RCOR3: variants seen among roughly 807,000 people sequenced by gnomAD.
The protein encoded by RCOR3 is REST corepressor 3.
RCOR3 carries 13 observed loss-of-function variants against 64.1 expected under a neutral mutation model. The observed-to-expected ratio is 0.20, with a 90% confidence interval of 0.13 to 0.32. RCOR3 has a LOEUF of 0.32. RCOR3 is among the 10% of genes least tolerant of loss of function. RCOR3 has a pLI of 1.00. For missense variants in RCOR3, 489 were observed against 701.2 expected (o/e 0.70, Z 3.42); for synonymous variants, 215 against 239.0 (o/e 0.90, Z 0.93).
chr1:211,316,193 A>G lies in RCOR3; in HGVS notation c.*2425A>G, dbSNP rs1701855043. ...AATCTACACCAAAGTGGTTTTTTAAAATTACATAACTAAAAATAAACCACA... is the reference window on the plus strand; with the variant it reads ...AATCTACACCAAAGTGGTTTTTTAAGATTACATAACTAAAAATAAACCACA... On this transcript the variant is annotated 3_prime_UTR_variant, in exon 12 of 12. Transcript: ENST00000419091. The G allele has an allele frequency of 6.6e-6, 1 of 152,194 alleles. No homozygotes were observed. The highest frequency in any genetic ancestry group is 1.5e-5 in the Non-Finnish European group (1 of 68,038). The allele number at this position is 152,194 out of a possible 1,614,324, so 9.4% of individuals were successfully genotyped here.
Position 211,312,880 on chromosome 1 carries a change from T to C in RCOR3, c.1236T>C (p.Asn412=). ...WEAEQGTQAS[N]GDASTLGEET... is the part of the protein sequence containing the mutation. Reference sequence around the variant, plus strand: ...CAGAACAAGGAACCCAGGCTTCTAATGGTGATGCTTCTACTTTAGGGGAGG... The same window carrying C: ...CAGAACAAGGAACCCAGGCTTCTAACGGTGATGCTTCTACTTTAGGGGAGG... The change falls in exon 11 of 12, where the codon AAT becomes AAC. Residue 412 remains asparagine (N), a synonymous_variant. Transcript: ENST00000419091. The surrounding 1 kb of genome is among the most constrained non-coding windows in gnomAD (Gnocchi z 5.0). 6.2e-7 allele frequency: 1 copy of C among 1,614,210 alleles called. No individual in the cohort carries two copies. Among genetic ancestry groups the C allele is most frequent in the Non-Finnish European group, 8.5e-7 (1 of 1,180,030 alleles).
chr1:211,278,325 C>T, intron 6 of RCOR3, 84 bp downstream of exon 6: 3 of 1,389,586 alleles, frequency 2.2e-6, no homozygotes, highest in Non-Finnish European at 3.0e-6. Context: ...AAAGTTATCA[C>T]AACACATTGT....
intron 6 of RCOR3, among the ~76,000 whole-genome samples, chr1:211,279,006 G>A (rs1275209063): frequency 6.6e-6 from 1 of 152,090 alleles, no homozygotes; most frequent in Non-Finnish European, 1.5e-5. Flanking sequence ...GGCCAACATG[G>A]TGAAACCCCG....
In RCOR3 at chr1:211,312,592, T is replaced by C. The variant is rs1191893357; in HGVS notation, c.1076-128T>C. The C allele has an allele frequency of 4.1e-6, 3 of 737,652 alleles. No homozygotes were observed. Among genetic ancestry groups the C allele is most frequent in the Non-Finnish European group, 7.1e-6 (3 of 423,546 alleles). 45.7% of individuals were successfully genotyped at this position (737,652 alleles called of 1,614,324 possible). A position where few individuals can be genotyped will look rare whatever the true frequency, so the allele number is the denominator to read the frequency against. ...TGATATCTTAGCCTCTATCTCAGAA[T>C]TGAGAAATGAGCAGAGTTTATCAGA... On this transcript the variant is annotated intron_variant, in intron 10 of 11. Coordinates refer to ENST00000419091, the MANE Select transcript of RCOR3 (RefSeq NM_001136223.3). The surrounding 1 kb of genome is among the most constrained non-coding windows in gnomAD (Gnocchi z 5.0).
At chr1:211,276,813 C>T (rs759971911) in intron 5 of RCOR3, among the ~76,000 whole-genome samples, 6 of 151,918 alleles carry the variant, frequency 3.9e-5, no homozygotes, top group South Asian at 4.2e-4. Flanking sequence ...TTAGGCCGGG[C>T]GCGGTGGCTC....
rs1339696761 is a variant in RCOR3 at position 211,314,858 on chromosome 1, A to G, written c.*1090A>G. 2 of 152,196 alleles carry G rather than the reference A, an allele frequency of 1.3e-5. No individual in the cohort carries two copies. The highest frequency in any genetic ancestry group is 4.8e-5 in the African/African-American group (2 of 41,464). 9.4% of individuals were successfully genotyped at this position (152,196 alleles called of 1,614,324 possible). A position where few individuals can be genotyped will look rare whatever the true frequency, so the allele number is the denominator to read the frequency against. On this transcript the variant is annotated 3_prime_UTR_variant, in exon 12 of 12. Transcript: ENST00000419091. ...ATACATTTGTGTATTCCTTGCAGCC[A>G]ACCTGTATTCGTGGGATTGGTGTAG...
intron 7 of RCOR3, 89 bp from the exon 8 acceptor site, chr1:211,289,089 C>G: frequency 1.0e-6 from 1 of 957,118 alleles, no homozygotes; most frequent in Non-Finnish European, 1.7e-6. Flanking sequence ...GTACTTATTG[C>G]AGCAGATACT....
rs10708960 is a variant in RCOR3, at chr1:211,279,187, TAAAAAAAA to T, written c.642-43_642-36del. On this transcript the variant is annotated intron_variant, in intron 6 of 11. Transcript: ENST00000419091. ...GGGCAATAAGAGTGAAACGCTGTCT[TAAAAAAAA>T]AAAAAAAGGGAATTAAGTGTACTAA... 3.1e-5 allele frequency: 29 copies of T among 943,768 alleles called. 1 individual carries two copies. The East Asian group carries it at 4.7e-4, about 15-fold the overall frequency. 58.5% of individuals were successfully genotyped at this position (943,768 alleles called of 1,614,324 possible).
intron 10 of RCOR3, among the ~76,000 whole-genome samples, chr1:211,309,067 T>C (rs988027977): frequency 1.5e-5 from 2 of 131,448 alleles, no homozygotes; most frequent in Non-Finnish European, 3.1e-5. Flanking sequence ...CTATCCATGC[T>C]ATCCTTTCTA....
chr1:211,260,242 G>T (rs1411712136), intron 2 of RCOR3, 78 bp downstream of exon 2: 15 of 1,360,910 alleles, frequency 1.1e-5, no homozygotes, highest in African/African-American at 1.4e-5. Flanking sequence ...AGGAGTCCGG[G>T]CATGGGGCCG....
At chr1:211,259,894 C>T (rs1039704662) in intron 1 of RCOR3, 168 bp downstream of exon 1, 92 of 791,092 alleles carry the variant, frequency 1.2e-4, no homozygotes, top group Non-Finnish European at 1.7e-4. Context: ...GACCCCCCGT[C>T]CCTCCGCCCT....
intron 3 of RCOR3, among the ~76,000 whole-genome samples, chr1:211,272,504 G>T (rs1180072074): frequency 6.6e-6 from 1 of 151,570 alleles, no homozygotes; most frequent in Non-Finnish European, 1.5e-5. Flanking sequence ...TCAACCCTGG[G>T]TGTGCATTGG....
intron 3 of RCOR3, among the ~76,000 whole-genome samples, chr1:211,272,831 C>G (rs371173476): frequency 5.6e-4 from 84 of 151,294 alleles, no homozygotes; most frequent in African/African-American, 2.0e-3. Context: ...CCGTTTTAGC[C>G]AGGATGGTCT....
At chr1:211,285,229 T>C (rs1698365912) in intron 7 of RCOR3, among the ~76,000 whole-genome samples, 1 of 152,246 alleles carries the variant, frequency 6.6e-6, no homozygotes, top group Non-Finnish European at 1.5e-5. Flanking sequence ...ATAGAAGATA[T>C]GATAGGGAAC....
intron 8 of RCOR3, among the ~76,000 whole-genome samples, chr1:211,294,570 TTTTC>T (rs1558091429): frequency 6.8e-5 from 10 of 147,150 alleles, no homozygotes; most frequent in South Asian, 2.1e-4. Flanking sequence ...ACACACTGAC[TTTTC>T]TTTCTTTCTT....
chr1:211,306,121 G>C (rs1381696544), intron 10 of RCOR3, among the ~76,000 whole-genome samples: 2 of 151,834 alleles, frequency 1.3e-5, no homozygotes, highest in Non-Finnish European at 2.9e-5. Flanking sequence ...ACTATATAAG[G>C]CTATTTGTGC....
At chr1:211,277,225 A>T (rs937642913) in intron 5 of RCOR3, among the ~76,000 whole-genome samples, 1 of 149,780 alleles carries the variant, frequency 6.7e-6, no homozygotes, top group South Asian at 2.1e-4. Flanking sequence ...CATTTTTAGT[A>T]TTGTGTCAAA....
intron 2 of RCOR3, among the ~76,000 whole-genome samples, chr1:211,268,443 G>C (rs1055720211): frequency 2.2e-5 from 3 of 135,078 alleles, no homozygotes; most frequent in African/African-American, 8.4e-5. Flanking sequence ...GCAATGGTGT[G>C]ATCTCGGCTC....
At chr1:211,265,925 G>T (rs987361015) in intron 2 of RCOR3, among the ~76,000 whole-genome samples, 13 of 152,078 alleles carry the variant, frequency 8.5e-5, no homozygotes, top group Admixed American at 2.0e-4. Context: ...ATGTACTCTT[G>T]TAAGATTTGG....
Sources: gnomAD v4.1 joint callset for allele counts (sites outside exome capture counted in the v4.1 genomes callset) on GRCh38, gnomAD v4.1.1 for gene constraint, Gnocchi (gnomAD v3.1) non-coding constraint, MANE v1.5 for transcripts, NCBI Gene and HGNC (gene_info 2026-07-23, HGNC 2026-07-21) for gene names.